FGF13: variants seen among roughly 807,000 people sequenced by gnomAD.
FGF13 encodes the protein fibroblast growth factor homologous factor 2.
A neutral mutation model predicts 19.5 loss-of-function variants in FGF13; 2 were observed. That is an observed-to-expected ratio of 0.10 (90% CI 0.04 to 0.32). FGF13 has a LOEUF of 0.32. Among genes scored for constraint, FGF13 ranks in the 10% least tolerant of loss-of-function variants. The pLI is 1.00. For missense variants in FGF13, 113 were observed against 192.7 expected, an observed-to-expected ratio of 0.59 and a Z score of 2.45; for synonymous variants, 72 against 76.9, an observed-to-expected ratio of 0.94 and a Z score of 0.33.
chrX:139,094,149 A>G (rs936109109), intron 1 of FGF13, among the ~76,000 whole-genome samples: 1 of 111,670 alleles, frequency 9.0e-6, no homozygotes, highest in African/African-American at 3.3e-5. Context: ...ATATCCCAAG[A>G]GAGGATTCCT....
At chrX:138,919,451 C>T (rs748472503) in intron 1 of FGF13, among the ~76,000 whole-genome samples, 49 of 111,396 alleles carry the variant, frequency 4.4e-4, no homozygotes, top group African/African-American at 1.2e-3. Context: ...ACTTATCATA[C>T]GACTCAACAA....
chrX:139,069,717 G>C (rs184748788), intron 1 of FGF13, among the ~76,000 whole-genome samples: 2 of 111,768 alleles, frequency 1.8e-5, no homozygotes, highest in East Asian at 5.6e-4. Context: ...ATCACGCTAC[G>C]TGACTTCACA....
At chrX:138,966,722 G>A (rs1162931967) in intron 1 of FGF13, among the ~76,000 whole-genome samples, 1 of 111,577 alleles carries the variant, frequency 9.0e-6, no homozygotes, top group East Asian at 2.8e-4. Flanking sequence ...ATTGTGTTTT[G>A]AAATGTGAGG....
At chrX:138,803,088 C>T (rs955692564) in intron 3 of FGF13, among the ~76,000 whole-genome samples, 2 of 111,732 alleles carry the variant, frequency 1.8e-5, no homozygotes, top group Non-Finnish European at 3.8e-5. Context: ...CCCAATTATT[C>T]CTGCATTTCT....
intron 4 of FGF13, among the ~76,000 whole-genome samples, chrX:138,633,933 C>G (rs1012197878): frequency 2.4e-4 from 27 of 111,369 alleles, no homozygotes; most frequent in African/African-American, 8.8e-4. Context: ...TACTCTAAAC[C>G]CCTACTCTTA....
chrX:138,922,728 T>G (rs1252069352), intron 1 of FGF13, among the ~76,000 whole-genome samples: 2 of 112,122 alleles, frequency 1.8e-5, no homozygotes, highest in African/African-American at 6.5e-5. Flanking sequence ...TGGTTTTGCT[T>G]TTAAATATCT....
intron 3 of FGF13, among the ~76,000 whole-genome samples, chrX:138,841,405 T>G (rs1343612781): frequency 8.9e-6 from 1 of 111,769 alleles, no homozygotes; most frequent in Non-Finnish European, 1.9e-5. Flanking sequence ...AATTTCCATT[T>G]TAACTATGCA....
At chrX:139,167,250 T>C (rs1029605894) in intron 1 of FGF13, among the ~76,000 whole-genome samples, 1 of 112,084 alleles carries the variant, frequency 8.9e-6, no homozygotes, top group African/African-American at 3.2e-5. Context: ...CAAGAGTAAC[T>C]TGTATATACC....
At chrX:139,090,730 C>T (rs1177874690) in intron 1 of FGF13, among the ~76,000 whole-genome samples, 1 of 109,836 alleles carries the variant, frequency 9.1e-6, no homozygotes, top group East Asian at 2.9e-4. Flanking sequence ...CACTTGAGCT[C>T]AGGAATTCAA....
rs2089175743 is a variant in FGF13, at chrX:138,635,733, T to A, written c.403-78A>T. 3.6e-5 allele frequency: 28 copies of A among 773,401 alleles called. No individual in the cohort carries two copies. In the South Asian group the frequency reaches 6.5e-4, roughly 18 times the overall value. The allele number at this position is 773,401 out of a possible 1,213,427, so 63.7% of individuals were successfully genotyped here. A position where few individuals can be genotyped will look rare whatever the true frequency, so the allele number is the denominator to read the frequency against. Reference sequence around the variant, plus strand: ...TGTAGAATCATGTGGTATTGCCTTTTAGGAGATTAAGACATACTTTGTAAA... The same window carrying A: ...TGTAGAATCATGTGGTATTGCCTTTAAGGAGATTAAGACATACTTTGTAAA... On this transcript the variant is annotated intron_variant, in intron 3 of 4. Transcript: ENST00000315930.
intron 3 of FGF13, among the ~76,000 whole-genome samples, chrX:138,701,297 C>T (rs1399905546): frequency 1.8e-5 from 2 of 111,869 alleles, no homozygotes; most frequent in Admixed American, 1.9e-4. Context: ...TTTCAGAAAG[C>T]GTCTATTTTA....
At chrX:138,836,955 A>C (rs2091117118) in intron 3 of FGF13, among the ~76,000 whole-genome samples, 1 of 105,599 alleles carries the variant, frequency 9.5e-6, no homozygotes, top group Non-Finnish European at 1.9e-5. Context: ...GGTCTGCTCC[A>C]GTTTCTAGTA....
chrX:138,937,058 G>C (rs138267985), intron 1 of FGF13, among the ~76,000 whole-genome samples: 2 of 110,516 alleles, frequency 1.8e-5, no homozygotes, highest in Non-Finnish European at 3.8e-5. Flanking sequence ...AAGCAGGCCC[G>C]GACCCCCTTT....
intron 1 of FGF13, among the ~76,000 whole-genome samples, chrX:138,952,017 G>C (rs758708513): frequency 7.3e-4 from 82 of 111,628 alleles, no homozygotes; most frequent in African/African-American, 2.6e-3. Context: ...GTAATTTATA[G>C]ATTCAATGCA....
intron 1 of FGF13, among the ~76,000 whole-genome samples, chrX:139,181,175 A>G (rs373444151): frequency 8.9e-6 from 1 of 112,335 alleles, no homozygotes; most frequent in African/African-American, 3.2e-5. Context: ...CTAGTCCTTT[A>G]ATAGAGATGT....
intron 3 of FGF13, among the ~76,000 whole-genome samples, chrX:138,776,133 C>A (rs187656908): frequency 8.9e-5 from 10 of 112,309 alleles, no homozygotes; most frequent in African/African-American, 2.9e-4. Context: ...GCTTCCCCAT[C>A]CCTACTATTT....
At chrX:138,982,761 G>A (rs897347503) in intron 1 of FGF13, among the ~76,000 whole-genome samples, 3 of 112,000 alleles carry the variant, frequency 2.7e-5, no homozygotes, top group Admixed American at 9.5e-5. Context: ...TCCAGGCTCT[G>A]CCACCAGATA....
chrX:138,800,736 C>T (rs1005614139), intron 3 of FGF13, among the ~76,000 whole-genome samples: 7 of 111,872 alleles, frequency 6.3e-5, no homozygotes, highest in African/African-American at 2.3e-4. Context: ...TTGGTCTTTT[C>T]ACTTTTTCAC....
intron 3 of FGF13, among the ~76,000 whole-genome samples, chrX:138,779,814 C>T (rs1195748585): frequency 1.4e-4 from 15 of 105,228 alleles, no homozygotes; most frequent in South Asian, 9.4e-4. Context: ...ATACAGAGAA[C>T]GCCACAAAGA....
Sources: allele counts gnomAD v4.1 joint callset (sites outside exome capture counted in the v4.1 genomes callset), GRCh38; gene constraint gnomAD v4.1.1; transcripts MANE v1.5; gene names NCBI Gene and HGNC (gene_info 2026-07-23, HGNC 2026-07-21).